The following ADORA2B variants were observed in gnomAD, a reference collection of about 807,000 sequenced individuals.
ADORA2B encodes the protein adenosine receptor A2b.
ADORA2B carries 18 observed loss-of-function variants against 20.8 expected under a neutral mutation model. The observed-to-expected ratio is 0.87, with a 90% confidence interval of 0.60 to 1.29. ADORA2B has a LOEUF of 1.29. Ranked by LOEUF, ADORA2B falls within the 50% of genes most tolerant of loss-of-function variation. ADORA2B has a pLI of 0.00. For synonymous variants in ADORA2B, 179 were observed against 178.3 expected (o/e 1.00, Z -0.03); for missense variants, 441 against 422.7 (o/e 1.04, Z -0.38).
the ADORA2B span, among the ~76,000 whole-genome samples, chr17:15,939,577 T>A: frequency 3.9e-5 from 6 of 152,096 alleles, no homozygotes; most frequent in East Asian, 5.8e-4. Flanking sequence ...AGAAGTTACA[T>A]GGCCAGGTGT....
At chr17:15,967,482 C>T (rs7217602) in intron 1 of ADORA2B, among the ~76,000 whole-genome samples, 6,922 of 152,168 alleles carry the variant, frequency 0.045, 461 homozygotes, top group African/African-American at 0.14. Flanking sequence ...CCACCCACCT[C>T]GGCCTCCCAA....
chr17:15,900,490 C>G, the ADORA2B span, among the ~76,000 whole-genome samples: 1 of 151,780 alleles, frequency 6.6e-6, no homozygotes, highest in Non-Finnish European at 1.5e-5. Flanking sequence ...CCCTGTCGCC[C>G]AGGCTGAAGC....
At chr17:15,896,750 T>C in the ADORA2B span, among the ~76,000 whole-genome samples, 1 of 152,154 alleles carries the variant, frequency 6.6e-6, no homozygotes, top group African/African-American at 2.4e-5. Context: ...TCCTTTTAGC[T>C]GCCAAACTTT....
the ADORA2B span, among the ~76,000 whole-genome samples, chr17:15,892,369 C>T: frequency 6.6e-6 from 1 of 151,872 alleles, no homozygotes; most frequent in African/African-American, 2.4e-5. Flanking sequence ...GGTTTTTGCC[C>T]TGTTGACCAG....
Position 15,975,491 on chromosome 17 carries a change from T to A in ADORA2B, c.*149T>A. ...TCCCTGGAGCTACCACGTATCTAGC[T>A]AATATGTATGTGTCAGTAGTAGGCT... On this transcript the variant is annotated 3_prime_UTR_variant, in exon 2 of 2. Transcript: ENST00000304222. 1 of 716,080 alleles carries A rather than the reference T, an allele frequency of 1.4e-6. No homozygotes were observed. Among genetic ancestry groups the A allele is most frequent in the Non-Finnish European group, 2.3e-6 (1 of 437,918 alleles). The allele number at this position is 716,080 out of a possible 1,614,324, so 44.4% of individuals were successfully genotyped here. A position where few individuals can be genotyped will look rare whatever the true frequency, so the allele number is the denominator to read the frequency against.
chr17:15,944,818 C>T (rs1157348324), upstream of ADORA2B: 2 of 153,790 alleles, frequency 1.3e-5, no homozygotes, highest in East Asian at 1.9e-4. This position sits in a 1 kb window ranked among gnomAD's most constrained non-coding sequence, Gnocchi z 4.8. Flanking sequence ...CCTGCTGGCG[C>T]CCCGGGCAGA....
At chr17:15,901,185 G>T in the ADORA2B span, among the ~76,000 whole-genome samples, 4 of 152,156 alleles carry the variant, frequency 2.6e-5, no homozygotes, top group Non-Finnish European at 5.9e-5. Flanking sequence ...CTAATTTGAG[G>T]CTGGGCACAG....
At chr17:15,950,534 T>G (rs1328461392) in intron 1 of ADORA2B, among the ~76,000 whole-genome samples, 3 of 152,172 alleles carry the variant, frequency 2.0e-5, no homozygotes, top group Non-Finnish European at 2.9e-5. Flanking sequence ...CATCCCTCTT[T>G]TGGCAGAATC....
At chr17:15,892,056 T>C in the ADORA2B span, among the ~76,000 whole-genome samples, 1 of 150,646 alleles carries the variant, frequency 6.6e-6, no homozygotes, top group East Asian at 1.9e-4. Context: ...AGACGAGGTT[T>C]CCCCATGTTG....
At chr17:15,969,864 CT>C (rs748913781) in intron 1 of ADORA2B, among the ~76,000 whole-genome samples, 1 of 152,206 alleles carries the variant, frequency 6.6e-6, no homozygotes, top group African/African-American at 2.4e-5. Flanking sequence ...GTACCATCCC[CT>C]GCTTAAAAGT....
At chr17:15,860,706 CAT>C in the ADORA2B span, 1 of 152,278 alleles carries the variant, frequency 6.6e-6, no homozygotes, top group Non-Finnish European at 1.5e-5. Context: ...ACATCAGAAG[CAT>C]ATATATGTTT....
chr17:15,886,147 C>T, the ADORA2B span, among the ~76,000 whole-genome samples: 1 of 152,156 alleles, frequency 6.6e-6, no homozygotes, highest in East Asian at 1.9e-4. Context: ...TCACAGTGTC[C>T]AAGAACCTCT....
chr17:15,966,364 G>A (rs1159238762), intron 1 of ADORA2B, among the ~76,000 whole-genome samples: 1 of 152,198 alleles, frequency 6.6e-6, no homozygotes, highest in African/African-American at 2.4e-5. Context: ...GGGAAGCTCA[G>A]GCTCCATCCA....
chr17:15,946,467 G>A (rs1555585942), intron 1 of ADORA2B, among the ~76,000 whole-genome samples: 4 of 152,234 alleles, frequency 2.6e-5, no homozygotes, highest in Admixed American at 6.5e-5. Flanking sequence ...TTTGTTGAAA[G>A]TATTTATTCT....
intron 1 of ADORA2B, among the ~76,000 whole-genome samples, chr17:15,962,781 G>C (rs975404654): frequency 1.3e-5 from 2 of 152,180 alleles, no homozygotes; most frequent in African/African-American, 4.8e-5. Context: ...GCCTCCCAAA[G>C]TGCTGGGATT....
the ADORA2B span, among the ~76,000 whole-genome samples, chr17:15,889,391 C>A: frequency 3.9e-5 from 5 of 128,566 alleles, 1 homozygote; most frequent in Non-Finnish European, 8.2e-5. Context: ...CTTCTTTGAC[C>A]ACATTAGAAA....
At chr17:15,941,380 C>T (rs1969743599), upstream of ADORA2B, among the ~76,000 whole-genome samples, 1 of 152,142 alleles carries the variant, frequency 6.6e-6, no homozygotes, top group Non-Finnish European at 1.5e-5. Flanking sequence ...GGAATCAAAC[C>T]TGGAGTCTCT....
chr17:15,903,079 A>G, the ADORA2B span, among the ~76,000 whole-genome samples: 1 of 152,232 alleles, frequency 6.6e-6, no homozygotes, highest in South Asian at 2.1e-4. Flanking sequence ...TTATTAAAAG[A>G]TTGGAAGTAA....
the ADORA2B span, among the ~76,000 whole-genome samples, chr17:15,864,405 A>G: frequency 6.6e-6 from 1 of 151,992 alleles, no homozygotes; most frequent in Non-Finnish European, 1.5e-5. Context: ...GTTACCGATC[A>G]TGGGTTCTTA....
Sources: gnomAD v4.1 joint callset for allele counts (sites outside exome capture counted in the v4.1 genomes callset) on GRCh38, gnomAD v4.1.1 for gene constraint, Gnocchi (gnomAD v3.1) non-coding constraint, MANE v1.5 for transcripts, NCBI Gene and HGNC (gene_info 2026-07-23, HGNC 2026-07-21) for gene names.